Variants in INTS2 observed in about 807,000 individuals in gnomAD.
INTS2 encodes integrator complex subunit 2.
A neutral mutation model predicts 139.6 loss-of-function variants in INTS2; 57 were observed. That is an observed-to-expected ratio of 0.41 (90% CI 0.33 to 0.51). INTS2 has a LOEUF of 0.51. Among genes scored for constraint, INTS2 ranks in the 20% least tolerant of loss-of-function variants. The pLI, the probability that INTS2 is intolerant of heterozygous loss-of-function variation, is 0.28. For synonymous variants in INTS2, 473 were observed against 493.4 expected (o/e 0.96, Z 0.55); for missense variants, 1,196 against 1,436.7 (o/e 0.83, Z 2.71).
At position 61,875,468 on chromosome 17, in the gene INTS2, T is replaced by C. The variant is rs2145905250; in HGVS notation, c.2457-430A>G. On this transcript the variant is annotated intron_variant, in intron 18 of 24. Coordinates refer to ENST00000251334, the MANE Select transcript of INTS2 (RefSeq NM_001351695.2). This position sits in a 1 kb window ranked among gnomAD's most constrained non-coding sequence, Gnocchi z 4.6. ...CTAGTTCCATAAATATAAGTCACTA[T>C]TCTGGATTTATCATCATAAAGTCTC... 6.6e-6 allele frequency among the ~76,000 whole-genome samples: 1 copy of C among 152,322 alleles called. No homozygotes were observed. Among genetic ancestry groups the C allele is most frequent in the East Asian group, 1.9e-4 (1 of 5,186 alleles).
intron 8 of INTS2, among the ~76,000 whole-genome samples, chr17:61,906,903 A>G (rs1377073155): frequency 1.4e-5 from 2 of 142,746 alleles, no homozygotes; most frequent in Non-Finnish European, 3.0e-5. Flanking sequence ...GGCAGAGGTT[A>G]CAGTGAGCCG....
chr17:61,898,544 C>T (rs2079372789), intron 9 of INTS2, among the ~76,000 whole-genome samples: 1 of 152,120 alleles, frequency 6.6e-6, no homozygotes, highest in South Asian at 2.1e-4. Context: ...GATACGCCTG[C>T]CTAAGCCTCC....
chr17:61,923,501 A>C (rs1431416176), intron 3 of INTS2, among the ~76,000 whole-genome samples: 1 of 151,162 alleles, frequency 6.6e-6, no homozygotes, highest in African/African-American at 2.4e-5. Flanking sequence ...AAAAAAAAAA[A>C]ACTATCTAAA....
In INTS2 at chr17:61,870,007, T is replaced by A; in HGVS notation, c.2779-19A>T. On this transcript the variant is annotated intron_variant, in intron 20 of 24. Transcript: ENST00000251334. The surrounding 1 kb of genome is among the most constrained non-coding windows in gnomAD (Gnocchi z 4.4). Reference sequence around the variant, plus strand: ...CACTATCCTATAAGCAAACAAAACATAGAAAAAGTAAGAAGTTTCTAAGAA... The same window carrying A: ...CACTATCCTATAAGCAAACAAAACAAAGAAAAAGTAAGAAGTTTCTAAGAA... 1.9e-6 allele frequency: 3 copies of A among 1,579,874 alleles called. No individual in the cohort carries two copies. The highest frequency in any genetic ancestry group is 3.7e-5 in the Admixed American group (2 of 54,018).
chr17:61,872,051 T>C lies in INTS2; in HGVS notation c.2778+214A>G, dbSNP rs919165296. 5.1e-6 allele frequency: 2 copies of C among 394,622 alleles called. No individual in the cohort carries two copies. Among genetic ancestry groups the C allele is most frequent in the Non-Finnish European group, 9.0e-6 (2 of 223,328 alleles). 24.4% of individuals were successfully genotyped at this position (394,622 alleles called of 1,614,324 possible). A position where few individuals can be genotyped will look rare whatever the true frequency, so the allele number is the denominator to read the frequency against. Reference sequence around the variant, plus strand: ...AAATCTTATTTAAATGGCTATTTCATTCATATCATGAAGATTATTCCTGAT... The same window carrying C: ...AAATCTTATTTAAATGGCTATTTCACTCATATCATGAAGATTATTCCTGAT... On this transcript the variant is annotated intron_variant, in intron 20 of 24. Coordinates refer to ENST00000251334, the MANE Select transcript of INTS2 (RefSeq NM_001351695.2). The surrounding 1 kb of genome is among the most constrained non-coding windows in gnomAD (Gnocchi z 4.8).
At chr17:61,886,454 C>T (rs1345992290) in intron 15 of INTS2, among the ~76,000 whole-genome samples, 1 of 152,204 alleles carries the variant, frequency 6.6e-6, no homozygotes, top group Non-Finnish European at 1.5e-5. Flanking sequence ...AATTTCTGTA[C>T]TTTTGCTGCT....
intron 7 of INTS2, 143 bp downstream of exon 7, chr17:61,911,376 AT>A (rs2143107019): frequency 3.4e-6 from 2 of 588,118 alleles, no homozygotes; most frequent in Non-Finnish European, 5.4e-6. Flanking sequence ...ATCCTTAGTG[AT>A]TTTTTAAAAT....
chr17:61,896,770 C>G (rs1393477904), intron 11 of INTS2, among the ~76,000 whole-genome samples: 2 of 152,090 alleles, frequency 1.3e-5, no homozygotes, highest in Non-Finnish European at 2.9e-5. Flanking sequence ...AATGCTCAGT[C>G]ATGTTGAAAG....
At chr17:61,915,781 G>A (rs545161841) in intron 5 of INTS2, among the ~76,000 whole-genome samples, 18 of 128,418 alleles carry the variant, frequency 1.4e-4, no homozygotes, top group Admixed American at 5.7e-4. Flanking sequence ...AGTGAGCCGA[G>A]ATTGTGCCAC....
chr17:61,914,950 TCC>T (rs2079564731), intron 5 of INTS2, among the ~76,000 whole-genome samples: 1 of 151,094 alleles, frequency 6.6e-6, no homozygotes, highest in Admixed American at 6.6e-5. Context: ...ATGTCTGTAA[TCC>T]CAGCACTTTG....
intron 5 of INTS2, among the ~76,000 whole-genome samples, chr17:61,917,211 G>A (rs922696807): frequency 6.6e-6 from 1 of 152,220 alleles, no homozygotes; most frequent in African/African-American, 2.4e-5. Context: ...TTCAGCCACT[G>A]TGGAAAGCAG....
chr17:61,906,800 C>T lies in INTS2; in HGVS notation c.1181+608G>A, dbSNP rs2079467948. 2.4e-5 allele frequency among the ~76,000 whole-genome samples: 3 copies of T among 127,184 alleles called. No homozygotes were observed. In the South Asian group the frequency reaches 7.5e-4, roughly 32 times the overall value. The allele number at this position is 127,184 out of a possible 152,430, so 83.4% of individuals were successfully genotyped here. A position where few individuals can be genotyped will look rare whatever the true frequency, so the allele number is the denominator to read the frequency against. ...AGGAGTTCAAGACAAGCCTGGCCAA[C>T]ATGGTGAAACCCCGTCTCTACTAAA... On this transcript the variant is annotated intron_variant, in intron 8 of 24. Coordinates refer to ENST00000251334, the MANE Select transcript of INTS2 (RefSeq NM_001351695.2).
Position 61,918,184 on chromosome 17 carries a change from A to T in INTS2, c.649+1216T>A, listed in dbSNP as rs191286827. Among the ~76,000 whole-genome samples the T allele has an allele frequency of 4.1e-3, 625 of 152,314 alleles. 5 individuals carry two copies. The highest frequency in any genetic ancestry group is 0.013 in the African/African-American group (529 of 41,572). On this transcript the variant is annotated intron_variant, in intron 5 of 24. Coordinates refer to ENST00000251334, the MANE Select transcript of INTS2 (RefSeq NM_001351695.2). Reference sequence around the variant, plus strand: ...TCATCTGATATTCAATAAATCTCTTAAAAAAGTCAGGGAACTATTACACTA... The same window carrying T: ...TCATCTGATATTCAATAAATCTCTTTAAAAAGTCAGGGAACTATTACACTA...
intron 13 of INTS2, among the ~76,000 whole-genome samples, chr17:61,892,153 T>C (rs1432268513): frequency 6.6e-6 from 1 of 152,118 alleles, no homozygotes; most frequent in Non-Finnish European, 1.5e-5. Context: ...ATGTAAAATG[T>C]TGGGGGTGCA....
chr17:61,904,265 T>C (rs564952021), intron 9 of INTS2, among the ~76,000 whole-genome samples, 195 bp downstream of exon 9: 3 of 152,244 alleles, frequency 2.0e-5, no homozygotes, highest in African/African-American at 7.2e-5. Flanking sequence ...ATCATACCCA[T>C]GAACAGCCAC....
intron 4 of INTS2, among the ~76,000 whole-genome samples, chr17:61,920,505 T>C (rs1371123073): frequency 2.2e-4 from 8 of 36,138 alleles, no homozygotes; most frequent in Non-Finnish European, 4.5e-5. Flanking sequence ...TTTTTTTTTT[T>C]TTTTAAGAAA....
intron 2 of INTS2, 103 bp from the exon 3 acceptor site, chr17:61,925,202 G>C: frequency 6.2e-6 from 7 of 1,137,594 alleles, no homozygotes; most frequent in Non-Finnish European, 8.8e-6. Flanking sequence ...GATGTATAAA[G>C]TGTTCTAAAA....
chr17:61,912,799 C>T (rs148706417), intron 5 of INTS2, among the ~76,000 whole-genome samples: 3 of 152,054 alleles, frequency 2.0e-5, no homozygotes, highest in Admixed American at 6.6e-5. Flanking sequence ...TAACCAGGGC[C>T]GGGTGCAGTG....
chr17:61,874,963 G>C lies in INTS2; in HGVS notation c.2532C>G (p.Asp844Glu). Residue 844 changes from aspartate to glutamate, a missense_variant, in exon 19 of 25, where the codon GAC (aspartate) becomes GAG (glutamate). Asp to Glu is a conservative substitution (Grantham distance 45, BLOSUM62 2). Coordinates refer to ENST00000251334, the MANE Select transcript of INTS2 (RefSeq NM_001351695.2). ...FVRQQKYTQN[D>E]LMIDPLIVLR... Reference sequence around the variant, plus strand: ...GGACAATGAGAGGATCTATCATCAGGTCATTCTGAGTATACTTTTGTTGTC... The same window carrying C: ...GGACAATGAGAGGATCTATCATCAGCTCATTCTGAGTATACTTTTGTTGTC... The C allele has an allele frequency of 6.3e-7, 1 of 1,597,020 alleles. No homozygotes were observed.
Sources: gnomAD v4.1 joint callset for allele counts (sites outside exome capture counted in the v4.1 genomes callset) on GRCh38, gnomAD v4.1.1 for gene constraint, Gnocchi (gnomAD v3.1) non-coding constraint, MANE v1.5 for transcripts, NCBI Gene and HGNC (gene_info 2026-07-23, HGNC 2026-07-21) for gene names.